The following DPP4 variants were observed in gnomAD, a reference collection of about 807,000 sequenced individuals.
DPP4 encodes ADCP-2.
Under a neutral mutation model 122.4 loss-of-function variants are expected in DPP4, and 93 were observed. That is an observed-to-expected ratio of 0.76 (90% CI 0.64 to 0.90). The LOEUF is 0.90. DPP4 is among the 40% of genes least tolerant of loss of function. The pLI, the probability that DPP4 is intolerant of heterozygous loss-of-function variation, is 0.00. For missense variants in DPP4, 914 were observed against 907.3 expected (o/e 1.01, Z -0.09); for synonymous variants, 321 against 302.9 (o/e 1.06, Z -0.62).
intron 23 of DPP4, among the ~76,000 whole-genome samples, chr2:161,998,163 A>C (rs1057476738): frequency 1.3e-5 from 2 of 152,228 alleles, no homozygotes; most frequent in Non-Finnish European, 2.9e-5. Flanking sequence ...TAATGGGGCA[A>C]TAGAACTCTG....
In DPP4 at chr2:162,020,608, G is replaced by A. The variant is rs201001221; in HGVS notation, c.1149C>T (p.His383=). 3.1e-6 allele frequency: 5 copies of A among 1,609,978 alleles called. No individual in the cohort carries two copies. The highest frequency in any genetic ancestry group is 4.2e-6 in the Non-Finnish European group (5 of 1,178,844). Residue 383 remains histidine, a synonymous_variant, in exon 13 of 26, where the codon CAC becomes CAT. Coordinates refer to ENST00000360534, the MANE Select transcript of DPP4 (RefSeq NM_001935.4). ...KIISNEEGYR[H]ICYFQIDKKD... Reference sequence around the variant, plus strand: ...TTTTATCTATTTGGAAATAGCAAATGTGTCTGTAACCTTCTTCATTGCTGA... The same window carrying A: ...TTTTATCTATTTGGAAATAGCAAATATGTCTGTAACCTTCTTCATTGCTGA...
chr2:162,023,589 AC>A (rs1205791469), intron 11 of DPP4, among the ~76,000 whole-genome samples: 1 of 151,980 alleles, frequency 6.6e-6, no homozygotes, highest in Non-Finnish European at 1.5e-5. Context: ...ACGGCAACTT[AC>A]CCCAGGCTAC....
chr2:162,018,031 T>C (rs781227083), intron 16 of DPP4, among the ~76,000 whole-genome samples: 1 of 150,254 alleles, frequency 6.7e-6, no homozygotes, highest in Non-Finnish European at 1.5e-5. Flanking sequence ...GCCCAAGAAA[T>C]AATTGCTAAA....
At chr2:162,025,963 G>A (rs1308877773) in intron 10 of DPP4, among the ~76,000 whole-genome samples, 1 of 152,040 alleles carries the variant, frequency 6.6e-6, no homozygotes, top group Non-Finnish European at 1.5e-5. Flanking sequence ...CTTTTACAGG[G>A]TGTCCCCAGG....
chr2:162,030,492 G>A (rs1683505402), intron 10 of DPP4, among the ~76,000 whole-genome samples: 1 of 152,212 alleles, frequency 6.6e-6, no homozygotes, highest in Non-Finnish European at 1.5e-5. Flanking sequence ...GCAGAGGAAG[G>A]AGAGGCACTG....
At chr2:162,072,979 TC>T (rs768549354) in intron 2 of DPP4, among the ~76,000 whole-genome samples, 23 of 152,208 alleles carry the variant, frequency 1.5e-4, no homozygotes, top group Non-Finnish European at 2.9e-4. Context: ...TTCTCATTTT[TC>T]CTTTCCATTT....
intron 25 of DPP4, 75 bp downstream of exon 25, chr2:161,994,886 A>C: frequency 7.0e-7 from 1 of 1,429,084 alleles, no homozygotes; most frequent in African/African-American, 1.4e-5. Flanking sequence ...TGGCACTGCT[A>C]AAAGAATTAG....
chr2:162,005,240 T>C (rs1266430853), intron 23 of DPP4, among the ~76,000 whole-genome samples: 2 of 152,212 alleles, frequency 1.3e-5, no homozygotes, highest in African/African-American at 4.8e-5. Context: ...TTCAGTGATT[T>C]AGGTTTAGGG....
intron 22 of DPP4, among the ~76,000 whole-genome samples, chr2:162,006,459 C>T (rs1701285032): frequency 6.6e-6 from 1 of 152,128 alleles, no homozygotes; most frequent in South Asian, 2.1e-4. Context: ...CATATTGGCT[C>T]AGCTACTCCA....
intron 2 of DPP4, among the ~76,000 whole-genome samples, chr2:162,070,715 CA>C (rs1685086692): frequency 6.6e-6 from 1 of 152,156 alleles, no homozygotes; most frequent in Admixed American, 6.5e-5. Flanking sequence ...TATTATGGCA[CA>C]GCCCAGGAAA....
intron 2 of DPP4, among the ~76,000 whole-genome samples, chr2:162,049,738 G>A (rs1046742375): frequency 6.6e-6 from 1 of 152,132 alleles, no homozygotes; most frequent in Non-Finnish European, 1.5e-5. Flanking sequence ...ATCATTATAA[G>A]TAAAGATAAT....
chr2:162,058,979 C>T (rs190846741), intron 2 of DPP4, among the ~76,000 whole-genome samples: 80 of 152,328 alleles, frequency 5.3e-4, no homozygotes, highest in African/African-American at 1.6e-3. Context: ...GAAACAATAT[C>T]AGCATACGAC....
chr2:162,021,691 T>C (rs1023543734), intron 12 of DPP4: 1 of 152,262 alleles, frequency 6.6e-6, no homozygotes, highest in African/African-American at 2.4e-5. Context: ...CACAGCCTTA[T>C]CTTTTTAATA....
At chr2:161,996,813 AG>A (rs1332115607) in intron 23 of DPP4, among the ~76,000 whole-genome samples, 2 of 152,184 alleles carry the variant, frequency 1.3e-5, no homozygotes, top group African/African-American at 4.8e-5. Flanking sequence ...ATATATGTAG[AG>A]GAAAAAAACC....
chr2:162,061,564 TTCTA>T (rs1461056622), intron 2 of DPP4, among the ~76,000 whole-genome samples: 2 of 152,216 alleles, frequency 1.3e-5, no homozygotes, highest in Non-Finnish European at 2.9e-5. Flanking sequence ...GATAAACGTA[TTCTA>T]TCTTTTTTCA....
chr2:162,002,051 G>A (rs1167017416), intron 23 of DPP4, among the ~76,000 whole-genome samples: 1 of 152,164 alleles, frequency 6.6e-6, no homozygotes, highest in African/African-American at 2.4e-5. Context: ...CTAGGCCTTA[G>A]TCTCAGGGTC....
chr2:162,043,902 C>A (rs1684081928), intron 5 of DPP4, among the ~76,000 whole-genome samples: 1 of 152,116 alleles, frequency 6.6e-6, no homozygotes, highest in South Asian at 2.1e-4. Flanking sequence ...GTGGTGCACA[C>A]CTGTAGTCTC....
intron 11 of DPP4, among the ~76,000 whole-genome samples, chr2:162,023,098 C>A (rs1050675832): frequency 2.6e-5 from 4 of 152,190 alleles, no homozygotes; most frequent in African/African-American, 9.7e-5. Context: ...TCTACTCCCT[C>A]ATTCTTCTTC....
intron 5 of DPP4, among the ~76,000 whole-genome samples, chr2:162,039,486 T>C (rs1054156396): frequency 6.6e-6 from 1 of 152,122 alleles, no homozygotes; most frequent in Non-Finnish European, 1.5e-5. Flanking sequence ...GTGCTAAGAT[T>C]GCCTACTTAG....
Sources: gnomAD v4.1 joint callset for allele counts (sites outside exome capture counted in the v4.1 genomes callset) on GRCh38, gnomAD v4.1.1 for gene constraint, MANE v1.5 for transcripts, NCBI Gene and HGNC (gene_info 2026-07-23, HGNC 2026-07-21) for gene names.